DNASE1L3: variants seen among roughly 807,000 people sequenced by gnomAD.
The protein encoded by DNASE1L3 is deoxyribonuclease gamma.
In DNASE1L3, 27 loss-of-function variants were observed where a neutral mutation model predicts 30.9. That is an observed-to-expected ratio of 0.87 (90% CI 0.64 to 1.20). DNASE1L3 has a LOEUF of 1.20. DNASE1L3 is among the 50% of genes most tolerant of loss of function. The pLI, the probability that DNASE1L3 is intolerant of heterozygous loss-of-function variation, is 0.00. For missense variants in DNASE1L3, 364 were observed against 378.2 expected (o/e 0.96, Z 0.31); for synonymous variants, 135 against 138.0 (o/e 0.98, Z 0.15).
chr3:58,203,736 G>T (rs1307620936), intron 4 of DNASE1L3, among the ~76,000 whole-genome samples: 2 of 152,266 alleles, frequency 1.3e-5, no homozygotes, highest in African/African-American at 4.8e-5. Context: ...GGAGGTGGAG[G>T]TTGCAGTGAG....
At position 58,198,458 on chromosome 3, in the gene DNASE1L3, A is replaced by G. The variant is rs372297690; in HGVS notation, c.547-480T>C. 3.5e-4 allele frequency among the ~76,000 whole-genome samples: 54 copies of G among 152,356 alleles called. No individual in the cohort carries two copies. In the South Asian group the frequency reaches 3.9e-3, roughly 11 times the overall value. On this transcript the variant is annotated intron_variant, in intron 5 of 7. Transcript: ENST00000394549. ...CTATTGTTTAAACTTCCCAGTCTTC[A>G]GTATGGTACTTTGTTATGGCAGCTC...
Position 58,205,452 on chromosome 3 carries a change from G to A in DNASE1L3, c.320+19C>T. On this transcript the variant is annotated intron_variant, in intron 3 of 7. Coordinates refer to ENST00000394549, the MANE Select transcript of DNASE1L3 (RefSeq NM_004944.4). ...GATTTATTGGTGGCCATGTTCCAGG[G>A]AGCATAGGTGATACTTACTTGTAGA... 1 of 1,601,200 alleles carries A rather than the reference G, an allele frequency of 6.2e-7. No homozygotes were observed. Among genetic ancestry groups the A allele is most frequent in the Non-Finnish European group, 8.6e-7 (1 of 1,168,364 alleles).
At position 58,192,593 on chromosome 3, in the gene DNASE1L3, C is replaced by A; in HGVS notation, c.*94G>T. 1.6e-6 allele frequency: 2 copies of A among 1,286,864 alleles called. No individual in the cohort carries two copies. Among genetic ancestry groups the A allele is most frequent in the Non-Finnish European group, 2.1e-6 (2 of 933,534 alleles). The allele number at this position is 1,286,864 out of a possible 1,614,324, so 79.7% of individuals were successfully genotyped here. On this transcript the variant is annotated 3_prime_UTR_variant, in exon 8 of 8. Coordinates refer to ENST00000394549, the MANE Select transcript of DNASE1L3 (RefSeq NM_004944.4). The surrounding 1 kb of genome is among the most constrained non-coding windows in gnomAD (Gnocchi z 4.8). ...GGTCAAAAAATGAAAGCAGTTGGAT[C>A]ACTCTTGTTTCCTAAGTACAGGGAG...
At chr3:58,206,331 A>G (rs1228075951) in intron 2 of DNASE1L3, among the ~76,000 whole-genome samples, 2 of 152,206 alleles carry the variant, frequency 1.3e-5, no homozygotes, top group African/African-American at 4.8e-5. Flanking sequence ...TTGGAAAAAA[A>G]GCAGAAGGGG....
At chr3:58,193,487 G>T in intron 6 of DNASE1L3, 48 bp from the exon 7 acceptor site, 3 of 1,518,740 alleles carry the variant, frequency 2.0e-6, no homozygotes, top group Non-Finnish European at 1.8e-6. Context: ...ACCTGTGATT[G>T]CTGAGATCAA....
In DNASE1L3 at chr3:58,200,879, G is replaced by A. The variant is rs2097400122; in HGVS notation, c.546+118C>T. 7.2e-6 allele frequency: 5 copies of A among 695,806 alleles called. No homozygotes were observed. In the Admixed American group the frequency reaches 1.0e-4, roughly 14 times the overall value. 43.1% of individuals were successfully genotyped at this position (695,806 alleles called of 1,614,324 possible). On this transcript the variant is annotated intron_variant, in intron 5 of 7. Transcript: ENST00000394549. The surrounding 1 kb of genome is among the most constrained non-coding windows in gnomAD (Gnocchi z 4.2). ...AGAAAGGCCTTAAAGAATGCTGTAA[G>A]TGGTGGTAGCCTGCACATGCCCTTC...
At chr3:58,210,720 G>C (rs1178387486) in intron 1 of DNASE1L3, 46 bp downstream of exon 1, 1 of 1,612,912 alleles carries the variant, frequency 6.2e-7, no homozygotes, top group East Asian at 2.2e-5. Flanking sequence ...ACAGGAGAGA[G>C]GGTGTGAGGG....
In DNASE1L3 at chr3:58,200,062, C is replaced by T. The variant is rs1011179505; in HGVS notation, c.546+935G>A. 6.6e-6 allele frequency among the ~76,000 whole-genome samples: 1 copy of T among 152,158 alleles called. No homozygotes were observed. Among genetic ancestry groups the T allele is most frequent in the African/African-American group, 2.4e-5 (1 of 41,424 alleles). Reference sequence around the variant, plus strand: ...CATATTTACCAAGAGCTTTCACAGCCCCTCACAGCCACAAGTGGTCTCTTC... The same window carrying T: ...CATATTTACCAAGAGCTTTCACAGCTCCTCACAGCCACAAGTGGTCTCTTC... On this transcript the variant is annotated intron_variant, in intron 5 of 7. Transcript: ENST00000394549. The surrounding 1 kb of genome is among the most constrained non-coding windows in gnomAD (Gnocchi z 4.2).
At position 58,208,218 on chromosome 3, in the gene DNASE1L3, C is replaced by T; in HGVS notation, c.230G>A (p.Arg77Lys). The T allele has an allele frequency of 6.2e-7, 1 of 1,613,946 alleles. No homozygotes were observed. The highest frequency in any genetic ancestry group is 8.5e-7 in the Non-Finnish European group (1 of 1,179,842). The change falls in exon 2 of 8, where the codon AGA becomes AAA. Residue 77 changes from arginine to lysine, a missense_variant and splice_region_variant. Arg to Lys is a conservative substitution (Grantham distance 26). Coordinates refer to ENST00000394549, the MANE Select transcript of DNASE1L3 (RefSeq NM_004944.4). Reference protein sequence around the residue: ...ICPILMEKLNRNSRRGITYNY... With the variant: ...ICPILMEKLNKNSRRGITYNY... ...GAGGGCCCACCCTTCCCCATGTTAC[C>T]TGTTCAGCTTCTCCATCAGTATGGG...
rs1359291327 is a variant in DNASE1L3 at position 58,200,572 on chromosome 3, C to G, written c.546+425G>C. Among the ~76,000 whole-genome samples the G allele has an allele frequency of 1.3e-5, 2 of 151,988 alleles. No homozygotes were observed. Among genetic ancestry groups the G allele is most frequent in the East Asian group, 1.9e-4 (1 of 5,196 alleles). ...ATCAATTGCTCCTTTTTTTCATGAG[C>G]CATGTTAAGATTCTGTCCCTTGCAA... On this transcript the variant is annotated intron_variant, in intron 5 of 7. Coordinates refer to ENST00000394549, the MANE Select transcript of DNASE1L3 (RefSeq NM_004944.4). This position sits in a 1 kb window ranked among gnomAD's most constrained non-coding sequence, Gnocchi z 4.2.
chr3:58,193,011 G>C (rs2097395113), intron 7 of DNASE1L3: 1 of 1,434,074 alleles, frequency 7.0e-7, no homozygotes, highest in East Asian at 2.5e-5. Flanking sequence ...AGGCATTGAG[G>C]GTCAAGGTCT....
Position 58,208,279 on chromosome 3 carries a change from C to G in DNASE1L3, c.169G>C (p.Val57Leu). The change falls in exon 2 of 8, where the codon GTG becomes CTG. Residue 57 changes from valine (V) to leucine (L), a missense_variant. Coordinates refer to ENST00000394549, the MANE Select transcript of DNASE1L3 (RefSeq NM_004944.4). ...TTGTTGCTGTCCTTGATTTCCATCA[C>G]GAGTATGATGTCACAGCGTTTGATG... is the stretch of plus-strand genomic sequence containing the variant. ...KVIKRCDIILVMEIKDSNNRI... is the reference protein window; with the variant it reads ...KVIKRCDIILLMEIKDSNNRI... 1.9e-6 allele frequency: 3 copies of G among 1,614,188 alleles called. No homozygotes were observed. The South Asian group carries it at 3.3e-5, about 18-fold the overall frequency.
chr3:58,198,114 C>G (rs1436019853), intron 5 of DNASE1L3, 136 bp from the exon 6 acceptor site: 6 of 993,034 alleles, frequency 6.0e-6, no homozygotes, highest in Non-Finnish European at 8.6e-6. Flanking sequence ...TGTCTACCCC[C>G]TGCTCCCGCC....
At chr3:58,195,394 C>T (rs2097396613) in intron 6 of DNASE1L3, among the ~76,000 whole-genome samples, 1 of 151,904 alleles carries the variant, frequency 6.6e-6, no homozygotes, top group Non-Finnish European at 1.5e-5. Context: ...AACTCCTGGG[C>T]TCAAGTGATC....
chr3:58,208,409 T>A, intron 1 of DNASE1L3, 103 bp from the exon 2 acceptor site: 2 of 1,191,790 alleles, frequency 1.7e-6, no homozygotes, highest in Non-Finnish European at 2.4e-6. Context: ...TGAGTGCTTA[T>A]TAAAATAATT....
intron 1 of DNASE1L3, 81 bp downstream of exon 1, chr3:58,210,685 T>G: frequency 6.3e-7 from 1 of 1,593,674 alleles, no homozygotes; most frequent in Non-Finnish European, 8.6e-7. Flanking sequence ...AACTTTAAGT[T>G]CCTTGAGTCT....
At chr3:58,204,451 A>T (rs1575498911) in intron 4 of DNASE1L3, among the ~76,000 whole-genome samples, 1 of 152,064 alleles carries the variant, frequency 6.6e-6, no homozygotes, top group African/African-American at 2.4e-5. Flanking sequence ...AGGATTTTTA[A>T]AAAGGAAGGA....
chr3:58,196,282 C>T (rs1401422915), intron 6 of DNASE1L3, among the ~76,000 whole-genome samples: 1 of 151,704 alleles, frequency 6.6e-6, no homozygotes, highest in Non-Finnish European at 1.5e-5. Context: ...TGGTGGCTCA[C>T]GCCTGTAATC....
rs561644406 is a variant in DNASE1L3 at position 58,205,516 on chromosome 3, C to T, written c.275G>A (p.Arg92Gln). The T allele has an allele frequency of 2.5e-5, 41 of 1,614,026 alleles. No homozygotes were observed. The highest frequency in any genetic ancestry group is 1.1e-4 in the South Asian group (10 of 91,070). The stretch of plus-strand genomic sequence containing the variant: ...TTCTTTATATGTGTTTCTTCCAAGC[C>T]GAGAGCTAATCACATAGTTGTACGT... ...GITYNYVISS[R>Q]LGRNTYKEQY... Residue 92 changes from arginine (R) to glutamine (Q), a missense_variant, in exon 3 of 8, where the codon CGG (arginine) becomes CAG (glutamine). Arg to Gln is a conservative substitution (Grantham distance 43). Transcript: ENST00000394549.
Sources: allele counts gnomAD v4.1 joint callset (sites outside exome capture counted in the v4.1 genomes callset), GRCh38; gene constraint gnomAD v4.1.1; non-coding constraint Gnocchi (gnomAD v3.1); transcripts MANE v1.5; gene names NCBI Gene and HGNC (gene_info 2026-07-23, HGNC 2026-07-21).